PICALM: variants seen among roughly 807,000 people sequenced by gnomAD.
The protein encoded by PICALM is phosphatidylinositol-binding clathrin assembly protein.
PICALM carries 40 observed loss-of-function variants against 80.5 expected under a neutral mutation model. The observed-to-expected ratio is 0.50, with a 90% CI of 0.39 to 0.65. The LOEUF (loss-of-function observed/expected upper bound fraction) is 0.65. Ranked by LOEUF, PICALM falls within the 30% of genes least tolerant of loss-of-function variation. The pLI is 0.00. For synonymous variants in PICALM, 288 were observed against 260.3 expected (o/e 1.11, Z -1.02); for missense variants, 676 against 778.9 (o/e 0.87, Z 1.57).
rs373095556 is a variant in PICALM at position 86,042,215 on chromosome 11, A to G, written c.131-10604T>C. Among the ~76,000 whole-genome samples, 17 of 152,278 alleles carry G rather than the reference A, an allele frequency of 1.1e-4. No individual in the cohort carries two copies. The East Asian group carries it at 2.5e-3, about 22-fold the overall frequency. On this transcript the variant is annotated intron_variant, in intron 1 of 19. Coordinates refer to ENST00000393346, the MANE Select transcript of PICALM (RefSeq NM_007166.4). The stretch of plus-strand genomic sequence containing the variant: ...CTCTAAAGTGGTGATTTTCAAACCT[A>G]GATACCTTAGGCCCATCCTAGATTC...
chr11:85,994,467 A>T (rs1001993158), intron 12 of PICALM, among the ~76,000 whole-genome samples: 32 of 152,044 alleles, frequency 2.1e-4, no homozygotes, highest in African/African-American at 7.5e-4. Context: ...AATGCGCATC[A>T]TTTCTGTGGT....
intron 1 of PICALM, among the ~76,000 whole-genome samples, chr11:86,039,808 C>T (rs2095917815): frequency 6.6e-6 from 1 of 151,782 alleles, no homozygotes; most frequent in Admixed American, 6.6e-5. Context: ...GCGAGACCAT[C>T]CTGGCTAACA....
At chr11:85,977,162 A>C (rs2094308179) in intron 17 of PICALM, among the ~76,000 whole-genome samples, 1 of 152,220 alleles carries the variant, frequency 6.6e-6, no homozygotes, top group Non-Finnish European at 1.5e-5. Flanking sequence ...GTTAGTTTCT[A>C]AGGATCTTAC....
At chr11:85,997,932 G>A (rs1337727646) in intron 11 of PICALM, among the ~76,000 whole-genome samples, 1 of 152,020 alleles carries the variant, frequency 6.6e-6, no homozygotes, top group East Asian at 1.9e-4. Flanking sequence ...AAAGGTGCAT[G>A]CCACCATGCT....
chr11:86,053,680 G>A (rs1393626438), intron 1 of PICALM, among the ~76,000 whole-genome samples: 1 of 151,988 alleles, frequency 6.6e-6, no homozygotes, highest in Non-Finnish European at 1.5e-5. Flanking sequence ...TGATCCTCCC[G>A]CTTCAGCATT....
At chr11:86,001,501 TG>T (rs771626039) in intron 9 of PICALM, among the ~76,000 whole-genome samples, 11 of 152,174 alleles carry the variant, frequency 7.2e-5, no homozygotes, top group Non-Finnish European at 1.5e-4. Context: ...AAATCCCTGA[TG>T]GGAAAAAGTG....
At chr11:85,963,920 CTTTTTTTT>C (rs10686143) in intron 19 of PICALM, among the ~76,000 whole-genome samples, 18 of 72,878 alleles carry the variant, frequency 2.5e-4, no homozygotes, top group African/African-American at 7.6e-4. Context: ...CCACACCTGG[CTTTTTTTT>C]TTTTTTTTTT....
chr11:85,974,940 AAT>A (rs1257649119), intron 18 of PICALM, 128 bp from the exon 19 acceptor site: 1 of 672,300 alleles, frequency 1.5e-6, no homozygotes, highest in Non-Finnish European at 2.7e-6. Context: ...ACTTCCTCTG[AAT>A]ATAAGTAAGA....
At chr11:86,051,956 G>A (rs2096196263) in intron 1 of PICALM, among the ~76,000 whole-genome samples, 1 of 152,204 alleles carries the variant, frequency 6.6e-6, no homozygotes, top group Non-Finnish European at 1.5e-5. Context: ...TAAACATTGT[G>A]TTAACAATGC....
At chr11:86,017,079 C>T (rs374568905) in intron 4 of PICALM, among the ~76,000 whole-genome samples, 1 of 151,998 alleles carries the variant, frequency 6.6e-6, no homozygotes. Flanking sequence ...AAAAAGTAGC[C>T]GGGCACAGTG....
chr11:85,980,893 C>T (rs2094422799), intron 17 of PICALM, among the ~76,000 whole-genome samples: 1 of 152,076 alleles, frequency 6.6e-6, no homozygotes. Context: ...AAAAATAAAA[C>T]ATTATTATTT....
Position 85,958,795 on chromosome 11 carries a change from G to A in PICALM, c.*251C>T, listed in dbSNP as rs1163328504. On this transcript the variant is annotated 3_prime_UTR_variant, in exon 20 of 20. Transcript: ENST00000393346. ...TAACAGGAGTTGAAAGAATTGAAGG[G>A]TTAGTCACCAAAAAGACAGATCTTA... 5.1e-6 allele frequency: 2 copies of A among 394,654 alleles called. No individual in the cohort carries two copies. The highest frequency in any genetic ancestry group is 9.1e-6 in the Non-Finnish European group (2 of 218,762). 24.4% of individuals were successfully genotyped at this position (394,654 alleles called of 1,614,324 possible).
chr11:85,979,590 A>G (rs911905210), intron 17 of PICALM, among the ~76,000 whole-genome samples: 1 of 152,210 alleles, frequency 6.6e-6, no homozygotes, highest in Non-Finnish European at 1.5e-5. Context: ...TTAAAAAGGT[A>G]GCTAAATCTC....
intron 1 of PICALM, among the ~76,000 whole-genome samples, chr11:86,037,355 G>A (rs767441614): frequency 1.1e-4 from 17 of 149,240 alleles, no homozygotes; most frequent in Non-Finnish European, 2.2e-4. Flanking sequence ...TGCCACCCAG[G>A]TTCATGCAAT....
chr11:86,024,575 T>G (rs2095620126), intron 3 of PICALM, among the ~76,000 whole-genome samples: 1 of 151,986 alleles, frequency 6.6e-6, no homozygotes, highest in Non-Finnish European at 1.5e-5. Context: ...TTGACTAAGC[T>G]ATGATGCTTT....
intron 18 of PICALM, 37 bp downstream of exon 18, chr11:85,976,586 T>G: frequency 8.1e-7 from 1 of 1,240,220 alleles, no homozygotes; most frequent in Non-Finnish European, 1.2e-6. Flanking sequence ...TATGAATCAA[T>G]ATTTTTTCCA....
In PICALM at chr11:86,007,629, T is replaced by A. The variant is rs759140555; in HGVS notation, c.766-46A>T. 3.4e-6 allele frequency: 3 copies of A among 894,880 alleles called. No individual in the cohort carries two copies. The East Asian group carries it at 9.6e-5, about 29-fold the overall frequency. 55.4% of individuals were successfully genotyped at this position (894,880 alleles called of 1,614,324 possible). On this transcript the variant is annotated intron_variant, in intron 7 of 19. Coordinates refer to ENST00000393346, the MANE Select transcript of PICALM (RefSeq NM_007166.4). Reference sequence around the variant, plus strand: ...TTAATAAATTATAATAAAAATATTTTATAAATAAAATTTGGAAAAATGACA... The same window carrying A: ...TTAATAAATTATAATAAAAATATTTAATAAATAAAATTTGGAAAAATGACA...
At chr11:86,033,682 T>C (rs897482165) in intron 1 of PICALM, among the ~76,000 whole-genome samples, 5 of 152,214 alleles carry the variant, frequency 3.3e-5, no homozygotes, top group Non-Finnish European at 5.9e-5. Context: ...TTAATTTGTT[T>C]AATGTCTTTC....
rs376759395 is a variant in PICALM, at chr11:86,056,134, T to TAAAAAAAAAAAAAAAAAA, written c.130+12516_130+12517insTTTTTTTTTTTTTTTTTT. On this transcript the variant is annotated intron_variant, in intron 1 of 19. Coordinates refer to ENST00000393346, the MANE Select transcript of PICALM (RefSeq NM_007166.4). Reference sequence around the variant, plus strand: ...TGGGTGACAGAACAAGACTCTGTCTTTAAAAAAAAAAAAAAAGAAAAAACC... The same window carrying TAAAAAAAAAAAAAAAAAA: ...TGGGTGACAGAACAAGACTCTGTCTTAAAAAAAAAAAAAAAAAATAAAAAAAAAAAAAAAGAAAAAACC... Among the ~76,000 whole-genome samples, 53 of 76,840 alleles carry TAAAAAAAAAAAAAAAAAA rather than the reference T, an allele frequency of 6.9e-4. 11 individuals carry two copies. The highest frequency in any genetic ancestry group is 9.5e-4 in the Non-Finnish European group (36 of 38,086). The allele number at this position is 76,840 out of a possible 152,430, so 50.4% of individuals were successfully genotyped here. A position where few individuals can be genotyped will look rare whatever the true frequency, so the allele number is the denominator to read the frequency against.
Sources: allele counts gnomAD v4.1 joint callset (sites outside exome capture counted in the v4.1 genomes callset), GRCh38; gene constraint gnomAD v4.1.1; transcripts MANE v1.5; gene names NCBI Gene and HGNC (gene_info 2026-07-23, HGNC 2026-07-21).